MYRIP: variants seen among roughly 807,000 people sequenced by gnomAD.
MYRIP encodes rab effector MyRIP.
MYRIP carries 49 observed loss-of-function variants against 98.0 expected under a neutral mutation model. The observed-to-expected ratio is 0.50, with a 90% CI of 0.40 to 0.63. MYRIP has a LOEUF of 0.63. MYRIP is among the 30% of genes least tolerant of loss of function. The pLI, the probability that MYRIP is intolerant of heterozygous loss-of-function variation, is 0.00. For synonymous variants in MYRIP, 404 were observed against 409.5 expected, an observed-to-expected ratio of 0.99 and a Z score of 0.16; for missense variants, 1,004 against 1,058.2, an observed-to-expected ratio of 0.95 and a Z score of 0.71.
intron 1 of MYRIP, among the ~76,000 whole-genome samples, chr3:39,883,163 G>A (rs1407751013): frequency 6.6e-6 from 1 of 152,112 alleles, no homozygotes; most frequent in African/African-American, 2.4e-5. Flanking sequence ...ATAGGAATTA[G>A]AGGCCTGGCA....
intron 8 of MYRIP, among the ~76,000 whole-genome samples, chr3:40,180,168 G>A (rs1208403597): frequency 1.3e-5 from 2 of 152,166 alleles, no homozygotes; most frequent in Admixed American, 1.3e-4. Flanking sequence ...ATGTGTGTTA[G>A]CTTGGCTCTC....
chr3:39,997,281 C>T (rs964575700), intron 2 of MYRIP, among the ~76,000 whole-genome samples: 22 of 151,698 alleles, frequency 1.5e-4, no homozygotes, highest in East Asian at 5.8e-4. Context: ...ATTGATAGAC[C>T]CCTAGCAAGA....
chr3:40,100,898 T>C (rs1453982267), intron 3 of MYRIP, among the ~76,000 whole-genome samples: 2 of 152,204 alleles, frequency 1.3e-5, no homozygotes, highest in Non-Finnish European at 2.9e-5. Context: ...AGTCCTTGGA[T>C]CTTTTTCTTA....
chr3:40,243,263 T>G (rs945002361), intron 12 of MYRIP, among the ~76,000 whole-genome samples: 4 of 152,296 alleles, frequency 2.6e-5, no homozygotes, highest in South Asian at 4.1e-4. Flanking sequence ...TCATCAAACC[T>G]GTACCTGCCT....
chr3:40,143,080 C>T (rs757839822), intron 3 of MYRIP, among the ~76,000 whole-genome samples: 16 of 152,256 alleles, frequency 1.1e-4, no homozygotes, highest in Non-Finnish European at 2.2e-4. Flanking sequence ...TCTCCTGACT[C>T]ATCTAGCACT....
chr3:40,187,724 G>A (rs571243414), intron 9 of MYRIP, among the ~76,000 whole-genome samples: 1 of 152,290 alleles, frequency 6.6e-6, no homozygotes, highest in African/African-American at 2.4e-5. Flanking sequence ...CCTGCCTCAG[G>A]GACCTTGTCC....
chr3:39,829,380 G>A (rs1271608747), intron 1 of MYRIP, among the ~76,000 whole-genome samples: 3 of 152,316 alleles, frequency 2.0e-5, no homozygotes, highest in Non-Finnish European at 4.4e-5. Context: ...GTTTCACAGG[G>A]AAAGACTTAT....
rs112996698 is a variant in MYRIP at position 39,863,835 on chromosome 3, C to CACA, written c.-30-36935_-30-36933dup. Among the ~76,000 whole-genome samples, 42 of 151,828 alleles carry CACA rather than the reference C, an allele frequency of 2.8e-4. 1 individual carries two copies. The highest frequency in any genetic ancestry group is 3.4e-3 in the Middle Eastern group (1 of 294). ...TCTTGACACCAAAACCCAGCAGGGA[C>CACA]ACAACAACAACAACAACAAACTGTA... On this transcript the variant is annotated intron_variant, in intron 1 of 16. Transcript: ENST00000302541.
intron 2 of MYRIP, among the ~76,000 whole-genome samples, chr3:39,954,601 A>G (rs1575409790): frequency 6.6e-6 from 1 of 152,208 alleles, no homozygotes; most frequent in East Asian, 1.9e-4. Context: ...TCTAAAAATC[A>G]GAGCACCTCT....
At chr3:40,148,449 C>T (rs1950053022) in intron 3 of MYRIP, among the ~76,000 whole-genome samples, 1 of 152,104 alleles carries the variant, frequency 6.6e-6, no homozygotes, top group African/African-American at 2.4e-5. Flanking sequence ...ATTGATCCCC[C>T]ATGTCTCTTT....
intron 3 of MYRIP, among the ~76,000 whole-genome samples, chr3:40,149,708 T>C (rs913590557): frequency 1.4e-4 from 22 of 152,192 alleles, no homozygotes; most frequent in Non-Finnish European, 2.5e-4. Context: ...CAACTCAAAA[T>C]TGGGCCTTCC....
chr3:39,983,673 GACAAATGA>G (rs1404890679), intron 2 of MYRIP, among the ~76,000 whole-genome samples: 1 of 152,104 alleles, frequency 6.6e-6, no homozygotes, highest in Non-Finnish European at 1.5e-5. Flanking sequence ...GGAGACAGTT[GACAAATGA>G]ACAAATGAAG....
At chr3:40,127,205 T>G (rs1343509910) in intron 3 of MYRIP, among the ~76,000 whole-genome samples, 1 of 152,226 alleles carries the variant, frequency 6.6e-6, no homozygotes, top group Non-Finnish European at 1.5e-5. Context: ...TACCATTTTC[T>G]TAGTGCTTAA....
chr3:39,918,642 A>C (rs1047846871), intron 2 of MYRIP, among the ~76,000 whole-genome samples: 1 of 152,252 alleles, frequency 6.6e-6, no homozygotes, highest in African/African-American at 2.4e-5. Context: ...GGGAAATGGC[A>C]TACAAATTTA....
chr3:39,850,235 T>C (rs1324843570), intron 1 of MYRIP, among the ~76,000 whole-genome samples: 1 of 152,244 alleles, frequency 6.6e-6, no homozygotes, highest in African/African-American at 2.4e-5. Flanking sequence ...AAGCATTCTC[T>C]GGCTCCTGCC....
intron 10 of MYRIP, among the ~76,000 whole-genome samples, chr3:40,204,005 T>G (rs1358310147): frequency 4.6e-4 from 1 of 2,196 alleles, no homozygotes; most frequent in African/African-American, 6.9e-4. Context: ...ATATATTATA[T>G]ATTATATATA....
intron 2 of MYRIP, among the ~76,000 whole-genome samples, chr3:39,953,812 CACT>C (rs1945087960): frequency 6.6e-6 from 1 of 152,158 alleles, no homozygotes; most frequent in Non-Finnish European, 1.5e-5. Flanking sequence ...AAAATCAGGA[CACT>C]CCCGCCCTAA....
rs1023904379 is a variant in MYRIP at position 40,162,822 on chromosome 3, T to G, written c.550+12T>G. 1.9e-6 allele frequency: 3 copies of G among 1,611,040 alleles called. No individual in the cohort carries two copies. The highest frequency in any genetic ancestry group is 1.3e-5 in the African/African-American group (1 of 74,976). Reference sequence around the variant, plus strand: ...TAGGCAGTCAGAAGGTAAAGTTGCTTAAGAGTTTACAGCTACTGGGAAGTT... The same window carrying G: ...TAGGCAGTCAGAAGGTAAAGTTGCTGAAGAGTTTACAGCTACTGGGAAGTT... On this transcript the variant is annotated intron_variant, in intron 5 of 16. Transcript: ENST00000302541.
chr3:40,224,939 C>T (rs1227977505), intron 11 of MYRIP, among the ~76,000 whole-genome samples: 6 of 152,288 alleles, frequency 3.9e-5, no homozygotes, highest in Admixed American at 3.3e-4. Context: ...CGGGTTTTAG[C>T]GGCATTGCTG....
Sources: gnomAD v4.1 joint callset for allele counts (sites outside exome capture counted in the v4.1 genomes callset) on GRCh38, gnomAD v4.1.1 for gene constraint, MANE v1.5 for transcripts, NCBI Gene and HGNC (gene_info 2026-07-23, HGNC 2026-07-21) for gene names.